The following CCSER1 variants were observed in gnomAD, a reference collection of about 807,000 sequenced individuals.
CCSER1 encodes the protein coiled-coil serine rich protein 1.
Under a neutral mutation model 82.0 loss-of-function variants are expected in CCSER1, and 41 were observed. The ratio of observed to expected loss-of-function variants is 0.50; its 90% CI spans 0.39 to 0.65. The LOEUF is 0.65. Among genes scored for constraint, CCSER1 ranks in the 30% least tolerant of loss-of-function variants. The probability of loss-of-function intolerance (pLI) is 0.00; values close to 1 mark genes in which losing one functional copy is unlikely to be tolerated. For missense variants in CCSER1, 1,119 were observed against 1,064.2 expected, an observed-to-expected ratio of 1.05 and a Z score of -0.72; for synonymous variants, 414 against 383.9, an observed-to-expected ratio of 1.08 and a Z score of -0.92.
intron 5 of CCSER1, among the ~76,000 whole-genome samples, chr4:90,612,380 T>C (rs1785641055): frequency 6.6e-6 from 1 of 152,044 alleles, no homozygotes; most frequent in Non-Finnish European, 1.5e-5. Flanking sequence ...GACAAGATAA[T>C]CACAGAAAGC....
intron 10 of CCSER1, among the ~76,000 whole-genome samples, chr4:91,086,703 A>T (rs1723433649): frequency 6.6e-6 from 1 of 152,196 alleles, no homozygotes; most frequent in East Asian, 1.9e-4. Flanking sequence ...ACAAATGAGG[A>T]AAAAAATCTT....
intron 1 of CCSER1, among the ~76,000 whole-genome samples, chr4:90,277,394 C>A (rs1025295211): frequency 1.3e-5 from 2 of 152,112 alleles, no homozygotes; most frequent in East Asian, 3.9e-4. Flanking sequence ...CCACACATTA[C>A]CTGTCTTCAA....
intron 10 of CCSER1, among the ~76,000 whole-genome samples, chr4:91,496,707 T>TATATATAA (rs1758881637): frequency 1.6e-4 from 6 of 37,758 alleles, no homozygotes; most frequent in African/African-American, 3.6e-4. Flanking sequence ...AATATATATA[T>TATATATAA]ATATTCAATA....
At chr4:91,242,838 G>T (rs973050063) in intron 10 of CCSER1, among the ~76,000 whole-genome samples, 3 of 152,120 alleles carry the variant, frequency 2.0e-5, no homozygotes, top group African/African-American at 7.2e-5. Flanking sequence ...TAAAGGTTGG[G>T]GGTCAAAGCA....
intron 8 of CCSER1, among the ~76,000 whole-genome samples, chr4:90,839,822 G>T (rs1390835497): frequency 6.6e-6 from 1 of 152,172 alleles, no homozygotes; most frequent in Non-Finnish European, 1.5e-5. Context: ...TAAAATTTAA[G>T]ATGGGGACAC....
intron 3 of CCSER1, among the ~76,000 whole-genome samples, chr4:90,333,497 C>T (rs1345189259): frequency 1.3e-5 from 2 of 151,848 alleles, no homozygotes; most frequent in African/African-American, 4.8e-5. Flanking sequence ...ATTCAGCAAA[C>T]GTGAAATGCT....
intron 5 of CCSER1, among the ~76,000 whole-genome samples, chr4:90,469,067 G>A (rs1278678367): frequency 6.6e-6 from 1 of 151,926 alleles, no homozygotes; most frequent in Non-Finnish European, 1.5e-5. Flanking sequence ...CTCCTTTAAG[G>A]TTTCTGGTTA....
chr4:90,248,431 C>G (rs1026406127), intron 1 of CCSER1, among the ~76,000 whole-genome samples: 6 of 152,086 alleles, frequency 3.9e-5, no homozygotes, highest in African/African-American at 7.2e-5. Context: ...CTTTGCTGGT[C>G]CTGTACTACA....
At chr4:91,455,627 AGGAATTTG>A (rs1756122537) in intron 10 of CCSER1, among the ~76,000 whole-genome samples, 2 of 152,090 alleles carry the variant, frequency 1.3e-5, no homozygotes, top group Admixed American at 6.6e-5. Context: ...ACCCAGTCTA[AGGAATTTG>A]TTAAAGCAGG....
intron 3 of CCSER1, among the ~76,000 whole-genome samples, chr4:90,329,907 C>G (rs1738962962): frequency 6.6e-6 from 1 of 151,950 alleles, no homozygotes; most frequent in Admixed American, 6.6e-5. Flanking sequence ...TATGTGACTA[C>G]TTATGTAACT....
intron 9 of CCSER1, among the ~76,000 whole-genome samples, chr4:90,976,278 A>G (rs1735607173): frequency 6.6e-6 from 1 of 151,388 alleles, no homozygotes; most frequent in Non-Finnish European, 1.5e-5. Flanking sequence ...TGTATAATTT[A>G]CAAAAAACAA....
At chr4:91,356,155 G>T (rs1245056710) in intron 10 of CCSER1, among the ~76,000 whole-genome samples, 1 of 152,214 alleles carries the variant, frequency 6.6e-6, no homozygotes, top group African/African-American at 2.4e-5. Flanking sequence ...ACCCCTTCTA[G>T]TTGTTTTGAG....
intron 10 of CCSER1, among the ~76,000 whole-genome samples, chr4:91,300,592 A>G (rs113837034): frequency 8.4e-4 from 127 of 152,026 alleles, no homozygotes; most frequent in African/African-American, 2.2e-3. Context: ...CCACCAGTCC[A>G]TATTTGGAGG....
intron 6 of CCSER1, among the ~76,000 whole-genome samples, chr4:90,691,144 A>G (rs1174949338): frequency 6.6e-6 from 1 of 152,036 alleles, no homozygotes; most frequent in Non-Finnish European, 1.5e-5. Context: ...AAATAATAAT[A>G]TAGTGGCCTT....
At chr4:91,158,641 T>G (rs1006144990) in intron 10 of CCSER1, among the ~76,000 whole-genome samples, 2 of 151,878 alleles carry the variant, frequency 1.3e-5, no homozygotes, top group African/African-American at 2.4e-5. Flanking sequence ...TGTGTGTGTG[T>G]GTGTGTCTCA....
At chr4:91,184,978 T>C (rs1734388585) in intron 10 of CCSER1, among the ~76,000 whole-genome samples, 1 of 152,204 alleles carries the variant, frequency 6.6e-6, no homozygotes, top group Non-Finnish European at 1.5e-5. Flanking sequence ...CAATGCAAAA[T>C]ATAACTTCTT....
rs1233337541 is a variant in CCSER1 at position 91,192,387 on chromosome 4, C to T, written c.2217+106393C>T. On this transcript the variant is annotated intron_variant, in intron 10 of 10. Transcript: ENST00000509176. The stretch of plus-strand genomic sequence containing the variant: ...TGTTTTTTAAGTTTGATACCATGCT[C>T]AGATTTCAAAGTCCTTGCAGGATAA... 3.9e-5 allele frequency among the ~76,000 whole-genome samples: 6 copies of T among 152,174 alleles called. No homozygotes were observed. In the East Asian group the frequency reaches 7.7e-4, roughly 20 times the overall value.
At chr4:91,162,470 T>C (rs2148980325) in intron 10 of CCSER1, among the ~76,000 whole-genome samples, 1 of 152,306 alleles carries the variant, frequency 6.6e-6, no homozygotes, top group Admixed American at 6.5e-5. Flanking sequence ...GGAATTCCTC[T>C]TTTTCTATTG....
intron 5 of CCSER1, among the ~76,000 whole-genome samples, chr4:90,567,646 C>T (rs1269558930): frequency 1.2e-4 from 17 of 146,292 alleles, no homozygotes; most frequent in Non-Finnish European, 2.2e-4. Context: ...TACTCTGTCA[C>T]CCAGGCTCTA....
Sources: gnomAD v4.1 joint callset for allele counts (sites outside exome capture counted in the v4.1 genomes callset) on GRCh38, gnomAD v4.1.1 for gene constraint, MANE v1.5 for transcripts, NCBI Gene and HGNC (gene_info 2026-07-23, HGNC 2026-07-21) for gene names.